MATN2: variants seen among roughly 807,000 people sequenced by gnomAD.
MATN2 encodes the protein matrilin 2, also known as matrilin-2.
In MATN2, 69 loss-of-function variants were observed where a neutral mutation model predicts 103.2. The ratio of observed to expected loss-of-function variants is 0.67; its 90% CI spans 0.55 to 0.82. The LOEUF (loss-of-function observed/expected upper bound fraction) is 0.82. Among genes scored for constraint, MATN2 ranks in the 40% least tolerant of loss-of-function variants. MATN2 has a pLI of 0.00. For missense variants in MATN2, 1,023 were observed against 1,211.5 expected, an observed-to-expected ratio of 0.84 and a Z score of 2.31; for synonymous variants, 429 against 450.2, an observed-to-expected ratio of 0.95 and a Z score of 0.60.
At chr8:97,900,620 G>T (rs1173098538) in intron 2 of MATN2, among the ~76,000 whole-genome samples, 1 of 152,152 alleles carries the variant, frequency 6.6e-6, no homozygotes, top group East Asian at 1.9e-4. Context: ...CAGCCTACTT[G>T]ATCCATTTAT....
chr8:97,958,942 G>A (rs1467477421), intron 4 of MATN2, among the ~76,000 whole-genome samples: 1 of 152,094 alleles, frequency 6.6e-6, no homozygotes, highest in Non-Finnish European at 1.5e-5. Context: ...CAGCTGCCAC[G>A]CCTCTCCTGC....
chr8:97,888,844 G>C (rs898928416), intron 2 of MATN2, among the ~76,000 whole-genome samples: 1 of 152,206 alleles, frequency 6.6e-6, no homozygotes, highest in African/African-American at 2.4e-5. Flanking sequence ...AGTGCCAAGA[G>C]AATGAGTTTT....
intron 1 of MATN2, among the ~76,000 whole-genome samples, chr8:97,885,508 A>G (rs1012652525): frequency 2.6e-5 from 4 of 152,194 alleles, no homozygotes; most frequent in African/African-American, 9.7e-5. Context: ...GAGATGATAA[A>G]TAGCAAGGCA....
chr8:97,987,889 ATG>A (rs1812248569), intron 6 of MATN2, among the ~76,000 whole-genome samples: 1 of 152,080 alleles, frequency 6.6e-6, no homozygotes, highest in African/African-American at 2.4e-5. Context: ...AAAAACCAAA[ATG>A]TGTTTTTTTT....
rs538468587 is a variant in MATN2 at position 97,928,478 on chromosome 8, G to C, written c.143-2475G>C. Among the ~76,000 whole-genome samples the C allele has an allele frequency of 1.7e-3, 258 of 152,136 alleles. 4 individuals carry two copies. The highest frequency in any genetic ancestry group is 2.1e-3 in the Non-Finnish European group (141 of 67,982). On this transcript the variant is annotated intron_variant, in intron 2 of 18. Coordinates refer to ENST00000254898, the MANE Select transcript of MATN2 (RefSeq NM_002380.5). ...CCTGACCTTGTGATCCTCCCGCCTC[G>C]GCCTCCCAAAGTGCTGGGATTACAG...
chr8:97,918,026 A>G (rs1173509361), intron 2 of MATN2, among the ~76,000 whole-genome samples: 1 of 152,152 alleles, frequency 6.6e-6, no homozygotes, highest in Non-Finnish European at 1.5e-5. Flanking sequence ...CGGAGGTTGT[A>G]GTGAGCTGAG....
At position 97,931,882 on chromosome 8, in the gene MATN2, T is replaced by C. The variant is rs753647854; in HGVS notation, c.712+360T>C. Among the ~76,000 whole-genome samples, 4 of 152,144 alleles carry C rather than the reference T, an allele frequency of 2.6e-5. No individual in the cohort carries two copies. Among genetic ancestry groups the C allele is most frequent in the Non-Finnish European group, 2.9e-5 (2 of 68,024 alleles). ...CATGCCTGGCTTATTTTTTAACTAT[T>C]TGTAGAGACAACGTTTCGCCATGTT... On this transcript the variant is annotated intron_variant, in intron 3 of 18. Transcript: ENST00000254898. The surrounding 1 kb of genome is among the most constrained non-coding windows in gnomAD (Gnocchi z 4.1).
At chr8:98,024,280 G>A (rs1813708540) in intron 13 of MATN2, among the ~76,000 whole-genome samples, 5 of 152,146 alleles carry the variant, frequency 3.3e-5, no homozygotes, top group African/African-American at 7.2e-5. Context: ...CGAAGCGGGC[G>A]GATCACCTGA....
At position 97,966,519 on chromosome 8, in the gene MATN2, T is replaced by C. The variant is rs79367637; in HGVS notation, c.958+4989T>C. Among the ~76,000 whole-genome samples, 1,353 of 151,480 alleles carry C rather than the reference T, an allele frequency of 8.9e-3. 22 individuals are homozygous for C. The highest frequency in any genetic ancestry group is 0.031 in the African/African-American group (1,264 of 41,240). ...ATGTTGAGACTATAGTGAGCCATGATAGTGCCGCTGCACTCTAGCCTGGGC... is the reference window on the plus strand; with the variant it reads ...ATGTTGAGACTATAGTGAGCCATGACAGTGCCGCTGCACTCTAGCCTGGGC... On this transcript the variant is annotated intron_variant, in intron 5 of 18. Transcript: ENST00000254898.
rs1812500542 is a variant in MATN2, at chr8:97,994,470, T to C, written c.1082-10T>C. On this transcript the variant is annotated splice_polypyrimidine_tract_variant and intron_variant, in intron 6 of 18. Coordinates refer to ENST00000254898, the MANE Select transcript of MATN2 (RefSeq NM_002380.5). ...GGTTTGCCATTCTTGTGATTTTTCC[T>C]TCTTGCCAGAGATAGACTACTGTGC... 1 of 1,595,344 alleles carries C rather than the reference T, an allele frequency of 6.3e-7. No individual in the cohort carries two copies. The highest frequency in any genetic ancestry group is 1.4e-5 in the African/African-American group (1 of 74,034).
chr8:97,998,864 C>T (rs1170819866), intron 7 of MATN2, among the ~76,000 whole-genome samples: 1 of 151,884 alleles, frequency 6.6e-6, no homozygotes, highest in Non-Finnish European at 1.5e-5. Context: ...TAAAATGTAC[C>T]ATTTTAACCA....
intron 7 of MATN2, among the ~76,000 whole-genome samples, chr8:98,000,596 C>CAAAAAAAAAAAAAAAAA (rs67682756): frequency 0.086 from 4,167 of 48,210 alleles, 283 homozygotes; most frequent in Non-Finnish European, 0.14. Flanking sequence ...GACTCCGTCT[C>CAAAAAAAAAAAAAAAAA]AAAAAAAAAA....
chr8:97,929,804 C>G (rs1586056123), intron 2 of MATN2, among the ~76,000 whole-genome samples: 1 of 152,350 alleles, frequency 6.6e-6, no homozygotes, highest in Non-Finnish European at 1.5e-5. Flanking sequence ...TACCATCCAT[C>G]TTGCAAACCA....
At chr8:97,968,719 T>C (rs985124409) in intron 5 of MATN2, among the ~76,000 whole-genome samples, 2 of 152,194 alleles carry the variant, frequency 1.3e-5, no homozygotes, top group African/African-American at 4.8e-5. Context: ...CCATATCTAT[T>C]AGCATTTTGG....
At chr8:98,004,015 G>T in intron 8 of MATN2, 1 of 456,472 alleles carries the variant, frequency 2.2e-6, no homozygotes, top group Non-Finnish European at 4.0e-6. Flanking sequence ...TAGGCTGGGC[G>T]CGGTGGCTCA....
intron 13 of MATN2, chr8:98,025,348 ATGTGTG>A (rs1563733407): frequency 6.1e-6 from 1 of 164,948 alleles, no homozygotes; most frequent in East Asian, 1.9e-4. Flanking sequence ...ATGGTTTTGC[ATGTGTG>A]TGTCTCTACA....
intron 13 of MATN2, 53 bp from the exon 14 acceptor site, chr8:98,027,363 G>A (rs1813844269): frequency 3.4e-6 from 5 of 1,452,354 alleles, no homozygotes; most frequent in East Asian, 2.3e-5. Context: ...TTCTACTCTT[G>A]TGCATAAATG....
intron 5 of MATN2, among the ~76,000 whole-genome samples, chr8:97,967,142 AC>A (rs1401333872): frequency 1.3e-5 from 2 of 152,306 alleles, no homozygotes; most frequent in East Asian, 3.9e-4. Context: ...AGATGATAAC[AC>A]TAAGCCATTA....
intron 2 of MATN2, among the ~76,000 whole-genome samples, chr8:97,914,512 A>T (rs900618098): frequency 4.0e-5 from 6 of 151,598 alleles, no homozygotes; most frequent in Non-Finnish European, 7.4e-5. Flanking sequence ...CGAGGACTAC[A>T]GGCCTGCACC....
Sources: gnomAD v4.1 joint callset for allele counts (sites outside exome capture counted in the v4.1 genomes callset) on GRCh38, gnomAD v4.1.1 for gene constraint, Gnocchi (gnomAD v3.1) non-coding constraint, MANE v1.5 for transcripts, NCBI Gene and HGNC (gene_info 2026-07-23, HGNC 2026-07-21) for gene names.